The following ZFTRAF1 variants were observed in gnomAD, a reference collection of about 807,000 sequenced individuals.
ZFTRAF1 encodes zinc finger TRAF-type-containing protein 1.
chr8:144,460,904 C>T, the ZFTRAF1 span, among the ~76,000 whole-genome samples: 4 of 152,114 alleles, frequency 2.6e-5, no homozygotes, highest in Non-Finnish European at 5.9e-5. Context: ...AGAGTTCTTC[C>T]GCCTGGGAGG....
the ZFTRAF1 span, among the ~76,000 whole-genome samples, chr8:144,458,958 G>T: frequency 6.6e-6 from 1 of 152,272 alleles, no homozygotes; most frequent in Non-Finnish European, 1.5e-5. Flanking sequence ...AATGCCCCAT[G>T]AGGGGTGGGA....
the ZFTRAF1 span, chr8:144,457,168 A>G: frequency 6.6e-6 from 1 of 150,910 alleles, no homozygotes; most frequent in Admixed American, 6.6e-5. Context: ...ATGACATCAC[A>G]GGGGAATGAT....
the ZFTRAF1 span, chr8:144,450,834 C>T: frequency 1.6e-6 from 1 of 630,198 alleles, no homozygotes; most frequent in Non-Finnish European, 2.9e-6. Context: ...GGCAGCAACG[C>T]CTTCCCTGAC....
the ZFTRAF1 span, chr8:144,450,007 C>T: frequency 6.2e-5 from 16 of 257,036 alleles, no homozygotes; most frequent in Non-Finnish European, 1.1e-4. Context: ...CCCCGCGCCC[C>T]GCCGGAACCC....
the ZFTRAF1 span, chr8:144,462,240 C>T: frequency 4.0e-6 from 2 of 496,342 alleles, no homozygotes; most frequent in African/African-American, 2.1e-5. Flanking sequence ...GCGGGGGCTG[C>T]AGCCCCGGGC....
chr8:144,455,818 C>T, the ZFTRAF1 span: 1 of 152,262 alleles, frequency 6.6e-6, no homozygotes, highest in Non-Finnish European at 1.5e-5. Flanking sequence ...GAGGTGGGGT[C>T]CTAGACCCTC....
At chr8:144,462,449 G>A in the ZFTRAF1 span, 49 of 242,132 alleles carry the variant, frequency 2.0e-4, no homozygotes, top group East Asian at 3.9e-3. Context: ...GTCGCCGGCC[G>A]CCTCCTGCAG....
At chr8:144,451,375 C>A in the ZFTRAF1 span, 1 of 154,126 alleles carries the variant, frequency 6.5e-6, no homozygotes, top group African/African-American at 2.4e-5. Context: ...GCGAATGGGG[C>A]TTCTCACCTG....
chr8:144,450,475 G>A, the ZFTRAF1 span: 8 of 718,312 alleles, frequency 1.1e-5, no homozygotes, highest in Non-Finnish European at 1.8e-5. Context: ...GCAGTGGCAC[G>A]TAGTCCGTCT....
the ZFTRAF1 span, chr8:144,455,535 C>G: frequency 7.5e-6 from 1 of 132,900 alleles, no homozygotes. Flanking sequence ...GACCAAGGGC[C>G]CACACCACTG....
the ZFTRAF1 span, chr8:144,462,136 G>C: frequency 5.6e-6 from 2 of 356,464 alleles, no homozygotes; most frequent in South Asian, 1.9e-4. Context: ...AGCCCCGCTG[G>C]GCGAGGAAGT....
the ZFTRAF1 span, chr8:144,462,356 T>G: frequency 2.0e-6 from 1 of 489,730 alleles, no homozygotes; most frequent in Non-Finnish European, 3.7e-6. Flanking sequence ...CTCCTCCAGT[T>G]TCCCGCTGCC....
At chr8:144,454,417 G>A in the ZFTRAF1 span, 1 of 152,422 alleles carries the variant, frequency 6.6e-6, no homozygotes, top group Non-Finnish European at 1.5e-5. Flanking sequence ...GGCTGGAGTG[G>A]GGTGTGTGGG....
chr8:144,450,018 G>A, the ZFTRAF1 span: 4 of 273,142 alleles, frequency 1.5e-5, no homozygotes, highest in African/African-American at 6.5e-5. Context: ...GCCGGAACCC[G>A]CAGGGATGGA....
At chr8:144,454,645 G>C in the ZFTRAF1 span, 5 of 152,356 alleles carry the variant, frequency 3.3e-5, no homozygotes, top group East Asian at 9.6e-4. Flanking sequence ...ATGGGATGTG[G>C]TGCAGCAGAG....
chr8:144,453,426 A>G, the ZFTRAF1 span: 1 of 1,551,134 alleles, frequency 6.4e-7, no homozygotes, highest in Non-Finnish European at 8.7e-7. Context: ...TAGGTGGATA[A>G]AACAGCCAGC....
chr8:144,460,401 C>T, the ZFTRAF1 span, among the ~76,000 whole-genome samples: 1 of 152,250 alleles, frequency 6.6e-6, no homozygotes, highest in African/African-American at 2.4e-5. Flanking sequence ...GAAGCAGAGC[C>T]ATCACTCTGT....
the ZFTRAF1 span, chr8:144,455,842 G>C: frequency 6.6e-6 from 1 of 152,306 alleles, no homozygotes; most frequent in Non-Finnish European, 1.5e-5. Flanking sequence ...AGGGAGCACT[G>C]AGGCTGCCAA....
At chr8:144,451,394 C>T in the ZFTRAF1 span, 1 of 153,744 alleles carries the variant, frequency 6.5e-6, no homozygotes, top group African/African-American at 2.4e-5. Context: ...TGGCCACGGC[C>T]ACAGCCACAG....
Sources: gnomAD v4.1 joint callset for allele counts (sites outside exome capture counted in the v4.1 genomes callset) on GRCh38, gnomAD v4.1.1 for gene constraint, MANE v1.5 for transcripts, NCBI Gene and HGNC (gene_info 2026-07-23, HGNC 2026-07-21) for gene names.